CDK12: variants seen among roughly 807,000 people sequenced by gnomAD.
The protein encoded by CDK12 is cyclin dependent kinase 12.
Under a neutral mutation model 133.8 loss-of-function variants are expected in CDK12, and 17 were observed. That is an observed-to-expected ratio of 0.13 (90% confidence interval 0.09 to 0.19). The LOEUF is 0.19. CDK12 is among the 10% of genes least tolerant of loss of function. CDK12 has a pLI of 1.00. For missense variants in CDK12, 1,508 were observed against 1,818.7 expected, an observed-to-expected ratio of 0.83 and a Z score of 3.11; for synonymous variants, 694 against 683.6, an observed-to-expected ratio of 1.02 and a Z score of -0.24.
At chr17:39,519,029 G>A (rs536576189) in intron 10 of CDK12, among the ~76,000 whole-genome samples, 1 of 151,800 alleles carries the variant, frequency 6.6e-6, no homozygotes, top group African/African-American at 2.4e-5. Flanking sequence ...AGCCTCCTGA[G>A]TAGCAAGGAT....
intron 2 of CDK12, among the ~76,000 whole-genome samples, chr17:39,476,016 A>G (rs2050163705): frequency 6.6e-6 from 1 of 152,112 alleles, no homozygotes; most frequent in East Asian, 1.9e-4. Context: ...CCTCATTTCA[A>G]TACTTGTTTA....
In CDK12 at chr17:39,511,647, T is replaced by C. The variant is rs1410459327; in HGVS notation, c.2768+17T>C. The C allele has an allele frequency of 6.4e-7, 1 of 1,556,120 alleles. No individual in the cohort carries two copies. The highest frequency in any genetic ancestry group is 8.9e-7 in the Non-Finnish European group (1 of 1,129,716). On this transcript the variant is annotated intron_variant, in intron 8 of 13. Transcript: ENST00000447079. ...GAGCTGTGGGTAAGGTTCTGTTAAC[T>C]TTTTCTTTTGTCTGTAACTTACATA... is the stretch of plus-strand genomic sequence containing the variant.
chr17:39,557,424 G>A (rs2056201489), intron 3 of CDK12, among the ~76,000 whole-genome samples: 1 of 152,132 alleles, frequency 6.6e-6, no homozygotes, highest in Admixed American at 6.5e-5. Context: ...AAGAGACTGA[G>A]AAGATGGAGG....
intron 9 of CDK12, among the ~76,000 whole-genome samples, chr17:39,516,185 G>A (rs1222195234): frequency 3.3e-5 from 5 of 151,990 alleles, no homozygotes; most frequent in South Asian, 2.1e-4. Context: ...ATAGGTCCCC[G>A]CCTTCAAAGA....
intron 3 of CDK12, among the ~76,000 whole-genome samples, chr17:39,563,795 G>A (rs564175091): frequency 1.3e-5 from 2 of 150,664 alleles, no homozygotes; most frequent in Non-Finnish European, 1.5e-5. Flanking sequence ...GAGTGAGGAA[G>A]GGGGGAGAGA....
chr17:39,532,657 C>T lies in CDK12; in HGVS notation c.*1341C>T. On this transcript the variant is annotated 3_prime_UTR_variant, in exon 14 of 14. Coordinates refer to ENST00000447079, the MANE Select transcript of CDK12 (RefSeq NM_016507.4). ...AAGAACAGTATTGACATACCCACAT[C>T]CCAGCATGTGTACCCTGCCAGTTCT... is the stretch of plus-strand genomic sequence containing the variant. The T allele has an allele frequency of 4.3e-6, 1 of 232,732 alleles. No homozygotes were observed. The highest frequency in any genetic ancestry group is 8.5e-6 in the Non-Finnish European group (1 of 117,700). The allele number at this position is 232,732 out of a possible 1,614,324, so 14.4% of individuals were successfully genotyped here.
chr17:39,518,507 TTTC>T (rs1180437854), intron 10 of CDK12, among the ~76,000 whole-genome samples: 2 of 152,020 alleles, frequency 1.3e-5, no homozygotes, highest in Admixed American at 6.5e-5. Context: ...TTGGTTTTGT[TTTC>T]TTCTTACTTT....
At chr17:39,499,869 T>A (rs1035936592) in intron 5 of CDK12, among the ~76,000 whole-genome samples, 5 of 152,202 alleles carry the variant, frequency 3.3e-5, no homozygotes, top group African/African-American at 1.2e-4. Flanking sequence ...GTCCCTGGCG[T>A]ATTGAGTCCC....
At chr17:39,550,914 CCCA>C (rs1387436951) in intron 1 of CDK12, 3 of 150,986 alleles carry the variant, frequency 2.0e-5, no homozygotes, top group African/African-American at 7.3e-5. Flanking sequence ...TGCCTGTAAT[CCCA>C]CCTACTTGGG....
chr17:39,528,724 T>G (rs188305438), intron 13 of CDK12, among the ~76,000 whole-genome samples: 1 of 152,364 alleles, frequency 6.6e-6, no homozygotes, highest in African/African-American at 2.4e-5. Context: ...TTAGGCTATT[T>G]ACATAAAAGG....
In CDK12 at chr17:39,532,155, T is replaced by C. The variant is rs556623935; in HGVS notation, c.*839T>C. The C allele has an allele frequency of 4.3e-6, 1 of 233,040 alleles. No homozygotes were observed. Among genetic ancestry groups the C allele is most frequent in the African/African-American group, 2.2e-5 (1 of 45,272 alleles). The allele number at this position is 233,040 out of a possible 1,614,324, so 14.4% of individuals were successfully genotyped here. The stretch of plus-strand genomic sequence containing the variant: ...CTCTCTCTCTCTCTGTCTCGCTTGC[T>C]CGCTCTCGCTGTTTCTCTCTCTTTG... On this transcript the variant is annotated 3_prime_UTR_variant, in exon 14 of 14. Transcript: ENST00000447079.
intron 1 of CDK12, among the ~76,000 whole-genome samples, chr17:39,540,746 G>A (rs2143736424): frequency 6.6e-6 from 1 of 152,278 alleles, no homozygotes; most frequent in African/African-American, 2.4e-5. Flanking sequence ...CTGGGACTGG[G>A]GCGGGGGTCG....
chr17:39,467,082 G>A (rs2049389640), intron 1 of CDK12, among the ~76,000 whole-genome samples: 1 of 151,902 alleles, frequency 6.6e-6, no homozygotes, highest in Non-Finnish European at 1.5e-5. Context: ...AGGTTCAAGC[G>A]ATTCTCCTGC....
At chr17:39,510,951 C>T (rs1233912002) in intron 7 of CDK12, among the ~76,000 whole-genome samples, 1 of 127,648 alleles carries the variant, frequency 7.8e-6, no homozygotes, top group Admixed American at 7.8e-5. Flanking sequence ...CGTGGTGGCT[C>T]ACGCCCGTAA....
At chr17:39,528,527 G>T (rs1378811588) in intron 13 of CDK12, among the ~76,000 whole-genome samples, 1 of 152,072 alleles carries the variant, frequency 6.6e-6, no homozygotes, top group Non-Finnish European at 1.5e-5. Flanking sequence ...TAGAGACGGG[G>T]TTTCACCTTG....
chr17:39,470,890 T>C lies in CDK12; in HGVS notation c.1058T>C (p.Met353Thr), dbSNP rs765683870. Residue 353 changes from methionine (M) to threonine (T), a missense_variant, in exon 2 of 14, where the codon ATG becomes ACG. This residue lies in a region of CDK12 where 460 missense variants were observed against 490.8 expected (regional missense o/e 0.94). Coordinates refer to ENST00000447079, the MANE Select transcript of CDK12 (RefSeq NM_016507.4). ...TTTTATTTTTCCAGTAGGAAATCCA[T>C]GAAGTCCAGAAGTAGAAGTCCTGCA... is the stretch of plus-strand genomic sequence containing the variant. Reference protein sequence around the residue: ...SRSPLPSRKSMKSRSRSPAYS... With the variant: ...SRSPLPSRKSTKSRSRSPAYS... 4.4e-6 allele frequency: 7 copies of C among 1,598,508 alleles called. No individual in the cohort carries two copies. Among genetic ancestry groups the C allele is most frequent in the Non-Finnish European group, 6.0e-6 (7 of 1,175,298 alleles).
intron 3 of CDK12, among the ~76,000 whole-genome samples, chr17:39,560,310 A>C (rs889353482): frequency 6.6e-6 from 1 of 152,192 alleles, no homozygotes; most frequent in African/African-American, 2.4e-5. Flanking sequence ...ACTTCTTCTT[A>C]TATTACCAGG....
At position 39,463,089 on chromosome 17, in the gene CDK12, C is replaced by A. The variant is rs2049061917; in HGVS notation, c.1018C>A (p.Arg340=). The A allele has an allele frequency of 6.2e-7, 1 of 1,614,128 alleles. No individual in the cohort carries two copies. Among genetic ancestry groups the A allele is most frequent in the East Asian group, 2.2e-5 (1 of 44,888 alleles). Reference sequence around the variant, plus strand: ...GTCCAGCAGCCCTTTCCTGAGCAAGCGGTCTCTGAGTCGGAGTCCACTCCC... The same window carrying A: ...GTCCAGCAGCCCTTTCCTGAGCAAGAGGTCTCTGAGTCGGAGTCCACTCCC... ...RRSSSPFLSK[R]SLSRSPLPSR... The change falls in exon 1 of 14, where the codon CGG becomes AGG. Residue 340 remains arginine (R), a synonymous_variant. Coordinates refer to ENST00000447079, the MANE Select transcript of CDK12 (RefSeq NM_016507.4).
rs1259100559 is a variant in CDK12 at position 39,471,423 on chromosome 17, A to C, written c.1591A>C (p.Thr531Pro). The change falls in exon 2 of 14, where the codon ACA (threonine) becomes CCA (proline). Residue 531 changes from threonine to proline, a missense_variant. Around this residue, in one of 9 missense-constraint regions of CDK12, gnomAD observed 347 missense variants for 330.8 expected, o/e 1.05. Coordinates refer to ENST00000447079, the MANE Select transcript of CDK12 (RefSeq NM_016507.4). ...SEKETPPPLP[T>P]IASPPPPLPT... is the part of the protein sequence containing the mutation. ...AAAGGAGACCCCTCCACCTCTTCCC[A>C]CAATTGCTTCTCCCCCACCCCCTCT... The C allele has an allele frequency of 6.2e-7, 1 of 1,613,426 alleles. No individual in the cohort carries two copies. The highest frequency in any genetic ancestry group is 8.5e-7 in the Non-Finnish European group (1 of 1,179,568).
Sources: allele counts gnomAD v4.1 joint callset (sites outside exome capture counted in the v4.1 genomes callset), GRCh38; gene constraint gnomAD v4.1.1; regional missense constraint gnomAD v4.1.1; transcripts MANE v1.5; gene names NCBI Gene and HGNC (gene_info 2026-07-23, HGNC 2026-07-21).